Variants in THSD7A observed in about 807,000 individuals in gnomAD.
THSD7A encodes thrombospondin type 1 domain containing 7A, also known as thrombospondin type-1 domain-containing protein 7A.
THSD7A carries 96 observed loss-of-function variants against 231.3 expected under a neutral mutation model. That is an observed-to-expected ratio of 0.41 (90% CI 0.35 to 0.49). The LOEUF (loss-of-function observed/expected upper bound fraction) is 0.49. THSD7A is among the 20% of genes least tolerant of loss of function. The pLI, the probability that THSD7A is intolerant of heterozygous loss-of-function variation, is 0.05. For missense variants in THSD7A, 2,290 were observed against 2,070.2 expected, an observed-to-expected ratio of 1.11 and a Z score of -2.06; for synonymous variants, 940 against 743.3, an observed-to-expected ratio of 1.26 and a Z score of -4.30.
intron 7 of THSD7A, among the ~76,000 whole-genome samples, chr7:11,480,852 C>T (rs116546362): frequency 1.0e-3 from 157 of 152,028 alleles, no homozygotes; most frequent in African/African-American, 3.5e-3. Context: ...CCCCCCAAAT[C>T]GATAATTTGG....
intron 2 of THSD7A, among the ~76,000 whole-genome samples, chr7:11,625,619 A>T (rs1218393626): frequency 1.3e-5 from 2 of 152,142 alleles, no homozygotes; most frequent in Non-Finnish European, 2.9e-5. Flanking sequence ...AGGCCTAAAA[A>T]GAAGAAAATA....
At chr7:11,599,472 T>C (rs1363234999) in intron 2 of THSD7A, among the ~76,000 whole-genome samples, 6 of 152,242 alleles carry the variant, frequency 3.9e-5, no homozygotes, top group Non-Finnish European at 1.5e-5. Context: ...TGTTTATGTA[T>C]ACACTTGTAC....
At chr7:11,736,714 G>A (rs1313721358) in intron 1 of THSD7A, among the ~76,000 whole-genome samples, 1 of 151,940 alleles carries the variant, frequency 6.6e-6, no homozygotes, top group African/African-American at 2.4e-5. Flanking sequence ...GGAAAACTTA[G>A]AAGTCCCAAA....
chr7:11,786,081 C>T (rs1395939011), intron 1 of THSD7A, among the ~76,000 whole-genome samples: 2 of 150,812 alleles, frequency 1.3e-5, no homozygotes, highest in Non-Finnish European at 2.9e-5. Flanking sequence ...TGAATCATTC[C>T]CTTTTATTTT....
chr7:11,516,271 T>C (rs140693168), intron 6 of THSD7A, among the ~76,000 whole-genome samples: 29 of 152,240 alleles, frequency 1.9e-4, no homozygotes, highest in African/African-American at 6.7e-4. Flanking sequence ...ACTTACAAAA[T>C]CAGAAATTTT....
intron 1 of THSD7A, among the ~76,000 whole-genome samples, chr7:11,678,546 C>A (rs1783735025): frequency 6.6e-6 from 1 of 152,116 alleles, no homozygotes; most frequent in South Asian, 2.1e-4. Flanking sequence ...ATACAAACTA[C>A]CATCAGAGAA....
intron 5 of THSD7A, among the ~76,000 whole-genome samples, chr7:11,542,015 T>C (rs757138938): frequency 1.4e-4 from 22 of 152,224 alleles, no homozygotes; most frequent in Non-Finnish European, 8.8e-5. Context: ...GAGTGAAATT[T>C]CAAGCTATTT....
Position 11,546,195 on chromosome 7 carries a change from G to GGCGCGTGTGTGCGC in THSD7A, c.1454-3079_1454-3078insGCGCACACACGCGC, listed in dbSNP as rs1554335255. The stretch of plus-strand genomic sequence containing the variant: ...TTGCTGCTCTGTTGTTGCTGGTGTG[G>GGCGCGTGTGTGCGC]GCGCGCGCTCACACACACACACACA... On this transcript the variant is annotated intron_variant, in intron 4 of 27. Coordinates refer to ENST00000423059, the MANE Select transcript of THSD7A (RefSeq NM_015204.3). Among the ~76,000 whole-genome samples the GGCGCGTGTGTGCGC allele has an allele frequency of 8.0e-4, 63 of 78,726 alleles. 2 individuals carry two copies. Among genetic ancestry groups the GGCGCGTGTGTGCGC allele is most frequent in the African/African-American group, 1.9e-3 (38 of 20,254 alleles). 51.6% of individuals were successfully genotyped at this position (78,726 alleles called of 152,430 possible).
At chr7:11,652,644 T>G (rs1562444969) in intron 1 of THSD7A, among the ~76,000 whole-genome samples, 1 of 151,952 alleles carries the variant, frequency 6.6e-6, no homozygotes, top group East Asian at 1.9e-4. Context: ...TGATAACAAA[T>G]ATACCATATT....
At chr7:11,722,635 C>A (rs1028760255) in intron 1 of THSD7A, among the ~76,000 whole-genome samples, 2 of 151,820 alleles carry the variant, frequency 1.3e-5, no homozygotes, top group Admixed American at 1.3e-4. Context: ...TTTGTAAAAA[C>A]CCTAGCCTCT....
chr7:11,477,615 G>A (rs1412565809), intron 7 of THSD7A, among the ~76,000 whole-genome samples: 1 of 152,066 alleles, frequency 6.6e-6, no homozygotes, highest in Non-Finnish European at 1.5e-5. Context: ...CATTAAAATT[G>A]TTTGCAAATG....
At chr7:11,418,935 T>G (rs779595577) in intron 16 of THSD7A, among the ~76,000 whole-genome samples, 1 of 152,234 alleles carries the variant, frequency 6.6e-6, no homozygotes, top group Non-Finnish European at 1.5e-5. Flanking sequence ...TGAATATTTT[T>G]GGGAGAATCT....
chr7:11,773,080 G>T (rs564398785), intron 1 of THSD7A, among the ~76,000 whole-genome samples: 42 of 152,060 alleles, frequency 2.8e-4, no homozygotes, highest in Non-Finnish European at 5.3e-4. Context: ...CTAAGAATTT[G>T]GTATATAATA....
chr7:11,462,151 G>A lies in THSD7A; in HGVS notation c.2369-8C>T. On this transcript the variant is annotated splice_region_variant and splice_polypyrimidine_tract_variant and intron_variant, in intron 9 of 27. Transcript: ENST00000423059. ...TCCTGATACTGGAGTCCCCTGCAAT[G>A]AAGCAGTTTTTTAACCTCTGTACTT... is the stretch of plus-strand genomic sequence containing the variant. 2 of 1,613,372 alleles carry A rather than the reference G, an allele frequency of 1.2e-6. No homozygotes were observed. Among genetic ancestry groups the A allele is most frequent in the Non-Finnish European group, 8.5e-7 (1 of 1,179,580 alleles).
chr7:11,574,429 AC>A (rs1790789100), intron 4 of THSD7A, among the ~76,000 whole-genome samples: 1 of 147,786 alleles, frequency 6.8e-6, no homozygotes, highest in South Asian at 2.2e-4. Flanking sequence ...GAAAAGGGAA[AC>A]AAAAACTTTT....
chr7:11,776,073 T>C (rs1373829360), intron 1 of THSD7A, among the ~76,000 whole-genome samples: 1 of 152,230 alleles, frequency 6.6e-6, no homozygotes, highest in Non-Finnish European at 1.5e-5. Flanking sequence ...GGACCTCTTC[T>C]GATGTCGAAG....
intron 14 of THSD7A, among the ~76,000 whole-genome samples, chr7:11,426,987 T>C (rs1468247): frequency 0.068 from 10,341 of 152,248 alleles, 754 homozygotes; most frequent in African/African-American, 0.17. Flanking sequence ...GAAATTGATA[T>C]ATGATGCAAA....
chr7:11,643,081 T>C (rs1782146481), intron 1 of THSD7A, among the ~76,000 whole-genome samples: 1 of 152,084 alleles, frequency 6.6e-6, no homozygotes, highest in African/African-American at 2.4e-5. Flanking sequence ...TGAGAAATTA[T>C]GAGAACTACT....
chr7:11,756,549 A>G (rs1019409720), intron 1 of THSD7A, among the ~76,000 whole-genome samples: 4 of 152,108 alleles, frequency 2.6e-5, no homozygotes, highest in Non-Finnish European at 5.9e-5. Context: ...CTGAACAAGA[A>G]AGGCTTTAGT....
Sources: allele counts gnomAD v4.1 joint callset (sites outside exome capture counted in the v4.1 genomes callset), GRCh38; gene constraint gnomAD v4.1.1; transcripts MANE v1.5; gene names NCBI Gene and HGNC (gene_info 2026-07-23, HGNC 2026-07-21).